The following ZNF143 variants were observed in gnomAD, a reference collection of about 807,000 sequenced individuals.
ZNF143 encodes the protein zinc finger protein 143.
ZNF143 carries 49 observed loss-of-function variants against 74.1 expected under a neutral mutation model. The ratio of observed to expected loss-of-function variants is 0.66; its 90% confidence interval spans 0.53 to 0.84. The LOEUF (loss-of-function observed/expected upper bound fraction) is 0.84. Among genes scored for constraint, ZNF143 ranks in the 40% least tolerant of loss-of-function variants. The pLI, the probability that ZNF143 is intolerant of heterozygous loss-of-function variation, is 0.00. For synonymous variants in ZNF143, 304 were observed against 282.8 expected (o/e 1.07, Z -0.75); for missense variants, 637 against 793.4 (o/e 0.80, Z 2.37).
At chr11:9,478,636 T>G in intron 6 of ZNF143, 50 bp downstream of exon 6, 1 of 1,550,996 alleles carries the variant, frequency 6.4e-7, no homozygotes, top group South Asian at 1.2e-5. Flanking sequence ...CTTCTTTATT[T>G]TTCATGAAAA....
At chr11:9,509,149 G>C (rs1848457672) in intron 12 of ZNF143, among the ~76,000 whole-genome samples, 1 of 152,196 alleles carries the variant, frequency 6.6e-6, no homozygotes, top group Non-Finnish European at 1.5e-5. Flanking sequence ...AAAGGCAAGA[G>C]AATGTTCCAA....
chr11:9,492,105 A>AT (rs34432476), intron 7 of ZNF143, among the ~76,000 whole-genome samples: 37,257 of 100,230 alleles, frequency 0.37, 7,785 homozygotes, highest in Non-Finnish European at 0.43. Context: ...CACCTGGCTA[A>AT]TTTTTTTTTT....
At chr11:9,461,123 T>C (rs1208628696) in intron 1 of ZNF143, 47 bp downstream of exon 1, 7 of 976,512 alleles carry the variant, frequency 7.2e-6, no homozygotes, top group Non-Finnish European at 8.5e-6. Flanking sequence ...ATTCTCCGCC[T>C]GGCCGCCGCC....
intron 14 of ZNF143, among the ~76,000 whole-genome samples, chr11:9,517,038 C>G (rs1220417350): frequency 6.6e-6 from 1 of 152,200 alleles, no homozygotes; most frequent in Non-Finnish European, 1.5e-5. Flanking sequence ...CCTCAGCCTC[C>G]CGAGTAGCTG....
At chr11:9,467,368 GGA>G (rs1437779855) in intron 1 of ZNF143, among the ~76,000 whole-genome samples, 1 of 151,748 alleles carries the variant, frequency 6.6e-6, no homozygotes, top group Non-Finnish European at 1.5e-5. Context: ...GGAGTAGCTG[GGA>G]TTATAGGCAC....
intron 6 of ZNF143, 28 bp downstream of exon 6, chr11:9,478,614 T>C: frequency 6.3e-7 from 1 of 1,583,390 alleles, no homozygotes; most frequent in Non-Finnish European, 8.6e-7. Context: ...GTCAAGAATG[T>C]TGCAGATATA....
Position 9,527,837 on chromosome 11 carries a change from G to T in ZNF143, c.*224G>T. On this transcript the variant is annotated 3_prime_UTR_variant, in exon 16 of 16. Coordinates refer to ENST00000396602, the MANE Select transcript of ZNF143 (RefSeq NM_003442.6). ...TTGTGTACAAGGAAGTATGAAATTA[G>T]GGCAATACAGTAAATTTTCATGTTA... is the stretch of plus-strand genomic sequence containing the variant. 2.4e-6 allele frequency: 1 copy of T among 421,392 alleles called. No individual in the cohort carries two copies. 26.1% of individuals were successfully genotyped at this position (421,392 alleles called of 1,614,324 possible). A position where few individuals can be genotyped will look rare whatever the true frequency, so the allele number is the denominator to read the frequency against.
chr11:9,469,242 A>AC (rs796992025), intron 1 of ZNF143, among the ~76,000 whole-genome samples: 92 of 61,158 alleles, frequency 1.5e-3, no homozygotes, highest in Admixed American at 3.0e-3. Context: ...TTTTTTTACC[A>AC]CCCCCCCATA....
intron 10 of ZNF143, among the ~76,000 whole-genome samples, chr11:9,498,482 T>G (rs551936699): frequency 2.0e-4 from 31 of 152,360 alleles, no homozygotes; most frequent in African/African-American, 7.5e-4. Context: ...AGAAAGTGTC[T>G]GAACCCCAAC....
At chr11:9,487,572 T>G (rs1847608962) in intron 7 of ZNF143, among the ~76,000 whole-genome samples, 1 of 151,996 alleles carries the variant, frequency 6.6e-6, no homozygotes, top group African/African-American at 2.4e-5. Flanking sequence ...TTAGCCAGGA[T>G]GGTCTCGATC....
chr11:9,478,072 C>T (rs558562244), intron 5 of ZNF143, among the ~76,000 whole-genome samples: 18 of 152,256 alleles, frequency 1.2e-4, no homozygotes, highest in Admixed American at 7.8e-4. Flanking sequence ...GTGATCCGCC[C>T]GCCTCGGCCT....
At chr11:9,518,043 A>G (rs1848783458) in intron 14 of ZNF143, among the ~76,000 whole-genome samples, 1 of 152,254 alleles carries the variant, frequency 6.6e-6, no homozygotes, top group Admixed American at 6.5e-5. Flanking sequence ...AAACTTCTAC[A>G]AATCAACAAT....
intron 7 of ZNF143, among the ~76,000 whole-genome samples, chr11:9,490,450 A>C (rs759284610): frequency 2.0e-5 from 3 of 151,370 alleles, no homozygotes; most frequent in Non-Finnish European, 4.4e-5. Flanking sequence ...TGCCCAGCTA[A>C]TTTTTATATT....
intron 1 of ZNF143, among the ~76,000 whole-genome samples, chr11:9,469,940 T>C (rs987988461): frequency 2.0e-5 from 3 of 152,210 alleles, no homozygotes; most frequent in African/African-American, 7.2e-5. Context: ...TTATAGTATT[T>C]CCAAGACAAA....
In ZNF143 at chr11:9,471,551, G is replaced by GT. The variant is rs113683706; in HGVS notation, c.112+132dup. 48,380 of 491,192 alleles carry GT rather than the reference G, an allele frequency of 0.098. 782 individuals carry two copies. Among genetic ancestry groups the GT allele is most frequent in the Non-Finnish European group, 0.12 (34,862 of 301,164 alleles). The allele number at this position is 491,192 out of a possible 1,614,324, so 30.4% of individuals were successfully genotyped here. On this transcript the variant is annotated intron_variant, in intron 2 of 15. Coordinates refer to ENST00000396602, the MANE Select transcript of ZNF143 (RefSeq NM_003442.6). ...CTAGGTCTTTTTATGAGGTGTTTTG[G>GT]TGTTTTTTTTTTTGAAACGGGACGG...
chr11:9,527,775 G>A lies in ZNF143; in HGVS notation c.*162G>A. 1.6e-6 allele frequency: 1 copy of A among 613,740 alleles called. No homozygotes were observed. The highest frequency in any genetic ancestry group is 2.9e-6 in the Non-Finnish European group (1 of 350,702). The allele number at this position is 613,740 out of a possible 1,614,324, so 38.0% of individuals were successfully genotyped here. A position where few individuals can be genotyped will look rare whatever the true frequency, so the allele number is the denominator to read the frequency against. On this transcript the variant is annotated 3_prime_UTR_variant, in exon 16 of 16. Transcript: ENST00000396602. ...AACATTTTATTCTTGACACTTTTGTGTATATAACCCTTGGAATAGATTCTC... is the reference window on the plus strand; with the variant it reads ...AACATTTTATTCTTGACACTTTTGTATATATAACCCTTGGAATAGATTCTC...
intron 1 of ZNF143, among the ~76,000 whole-genome samples, chr11:9,461,454 G>T (rs1302798567): frequency 2.0e-5 from 3 of 152,150 alleles, no homozygotes; most frequent in Non-Finnish European, 4.4e-5. Flanking sequence ...CGCAGAGCGA[G>T]TCCCCAGGCG....
Position 9,486,445 on chromosome 11 carries a change from T to TTATATATATTATATATATAATATATTA in ZNF143, c.645+6918_645+6919insATATATTATATATATATTATATATATA, listed in dbSNP as rs1565039545. 1.2e-3 allele frequency among the ~76,000 whole-genome samples: 41 copies of TTATATATATTATATATATAATATATTA among 35,422 alleles called. 4 individuals are homozygous for TTATATATATTATATATATAATATATTA. The highest frequency in any genetic ancestry group is 1.8e-3 in the Non-Finnish European group (27 of 15,120). The allele number at this position is 35,422 out of a possible 152,430, so 23.2% of individuals were successfully genotyped here. A position where few individuals can be genotyped will look rare whatever the true frequency, so the allele number is the denominator to read the frequency against. ...TTATATATATTATATATATAATATA[T>TTATATATATTATATATATAATATATTA]TATATATATTATATATATATAAAAG... is the stretch of plus-strand genomic sequence containing the variant. On this transcript the variant is annotated intron_variant, in intron 7 of 15. Coordinates refer to ENST00000396602, the MANE Select transcript of ZNF143 (RefSeq NM_003442.6).
chr11:9,465,427 C>T (rs564825475), intron 1 of ZNF143, among the ~76,000 whole-genome samples: 4 of 151,816 alleles, frequency 2.6e-5, no homozygotes, highest in South Asian at 2.1e-4. Flanking sequence ...CCTTGTGATC[C>T]GCCTGCCTTG....
Sources: gnomAD v4.1 joint callset for allele counts (sites outside exome capture counted in the v4.1 genomes callset) on GRCh38, gnomAD v4.1.1 for gene constraint, MANE v1.5 for transcripts, NCBI Gene and HGNC (gene_info 2026-07-23, HGNC 2026-07-21) for gene names.